The following PRKDC variants were observed in gnomAD, a reference collection of about 807,000 sequenced individuals.
PRKDC encodes the protein protein kinase, DNA-activated, catalytic subunit.
PRKDC carries 82 observed loss-of-function variants against 486.9 expected under a neutral mutation model. That is an observed-to-expected ratio of 0.17 (90% CI 0.14 to 0.20). The LOEUF (loss-of-function observed/expected upper bound fraction) is 0.20, where lower values mean the gene tolerates loss of function less well. PRKDC is among the 10% of genes least tolerant of loss of function. PRKDC has a pLI of 1.00. For synonymous variants in PRKDC, 1,895 were observed against 1,837.0 expected, an observed-to-expected ratio of 1.03 and a Z score of -0.81; for missense variants, 4,504 against 5,038.2, an observed-to-expected ratio of 0.89 and a Z score of 3.21.
chr8:47,929,792 A>C, intron 18 of PRKDC, 61 bp downstream of exon 18: 1 of 1,456,604 alleles, frequency 6.9e-7, no homozygotes, highest in Non-Finnish European at 9.2e-7. Context: ...TTTATGATAC[A>C]TTTATATATA....
chr8:47,957,261 A>C lies in PRKDC; in HGVS notation c.234T>G (p.Phe78Leu). The C allele has an allele frequency of 1.3e-6, 2 of 1,594,634 alleles. No individual in the cohort carries two copies. Among genetic ancestry groups the C allele is most frequent in the African/African-American group, 1.3e-5 (1 of 74,616 alleles). The change falls in exon 3 of 86, where the codon TTT (phenylalanine) becomes TTG (leucine). Residue 78 changes from phenylalanine (F) to leucine (L), a missense_variant and splice_region_variant. Physicochemically the swap from Phe to Leu is conservative, Grantham distance 22 (BLOSUM62 0). Around this residue, in one of 6 missense-constraint regions of PRKDC, gnomAD observed 145 missense variants for 136.3 expected, o/e 1.06. Transcript: ENST00000314191. ...TTAGGATTTCTTCTCTACATTCACG[A>C]AACTGTAATGAAAGAGATACATATT... ...FVRKSLNSIEFRECREEILKF... is the reference protein window; with the variant it reads ...FVRKSLNSIELRECREEILKF...
chr8:47,800,769 C>A (rs369459161), intron 71 of PRKDC, 24 bp downstream of exon 71: 3 of 1,577,672 alleles, frequency 1.9e-6, no homozygotes, highest in Non-Finnish European at 2.6e-6. Context: ...AGCACACTAG[C>A]GTAAAACATT....
chr8:47,778,880 T>G lies in PRKDC; in HGVS notation c.11580-81A>C, dbSNP rs188253369. 7.1e-5 allele frequency: 105 copies of G among 1,483,096 alleles called. No individual in the cohort carries two copies. In the Admixed American group the frequency reaches 1.7e-3, roughly 24 times the overall value. The allele number at this position is 1,483,096 out of a possible 1,614,324, so 91.9% of individuals were successfully genotyped here. A position where few individuals can be genotyped will look rare whatever the true frequency, so the allele number is the denominator to read the frequency against. On this transcript the variant is annotated intron_variant, in intron 81 of 85. Transcript: ENST00000314191. ...TAAATTTTAAAACTTTTTGTTTATA[T>G]TGAGACTCAAATATCGAATAATCTT...
chr8:47,917,684 G>C (rs1036380688), intron 22 of PRKDC, among the ~76,000 whole-genome samples: 1 of 152,082 alleles, frequency 6.6e-6, no homozygotes, highest in Non-Finnish European at 1.5e-5. Context: ...AAGCATAAAT[G>C]AAAGTCTTAC....
At chr8:47,801,450 G>C (rs920548247) in intron 70 of PRKDC, among the ~76,000 whole-genome samples, 11 of 152,114 alleles carry the variant, frequency 7.2e-5, no homozygotes, top group African/African-American at 1.9e-4. Flanking sequence ...ACTGACTAGG[G>C]AATTTCTTGA....
At position 47,957,374 on chromosome 8, in the gene PRKDC, T is replaced by C; in HGVS notation, c.212A>G (p.Lys71Arg). 6.3e-7 allele frequency: 1 copy of C among 1,598,302 alleles called. No homozygotes were observed. The highest frequency in any genetic ancestry group is 8.5e-7 in the Non-Finnish European group (1 of 1,171,732). Residue 71 changes from lysine to arginine, a missense_variant, in exon 2 of 86, where the codon AAG (lysine) becomes AGG (arginine). Transcript: ENST00000314191. ...ACTTACTTCAATACTGTTGAGTGAC[T>C]TCCGGACAAATACAAGCAAACCGAA... is the stretch of plus-strand genomic sequence containing the variant. ...RDFGLLVFVR[K>R]SLNSIEFREC...
At chr8:47,799,625 T>C (rs533711482) in intron 71 of PRKDC, among the ~76,000 whole-genome samples, 6 of 152,246 alleles carry the variant, frequency 3.9e-5, no homozygotes, top group South Asian at 2.1e-4. Context: ...GCGGGCCAGA[T>C]GGTGCACAAG....
chr8:47,809,023 G>A (rs555813780), intron 68 of PRKDC, among the ~76,000 whole-genome samples: 6 of 151,236 alleles, frequency 4.0e-5, no homozygotes, highest in South Asian at 4.2e-4. Context: ...GACCCTGTGC[G>A]TGGAAGGAAA....
intron 64 of PRKDC, among the ~76,000 whole-genome samples, chr8:47,822,303 AG>A (rs1353682165): frequency 3.2e-4 from 49 of 151,438 alleles, no homozygotes; most frequent in African/African-American, 1.2e-3. Flanking sequence ...AAAAAAAAAA[AG>A]CCACAAAAAT....
rs759566902 is a variant in PRKDC, at chr8:47,849,308, C to A, written c.7131-5G>T. ...AAGAACACAGCATTCATGAACCTGGCGGGGAAGGGAACTGGTGAGAGGAGG... is the reference window on the plus strand; with the variant it reads ...AAGAACACAGCATTCATGAACCTGGAGGGGAAGGGAACTGGTGAGAGGAGG... On this transcript the variant is annotated splice_region_variant and splice_polypyrimidine_tract_variant and intron_variant, in intron 53 of 85. Transcript: ENST00000314191. The A allele has an allele frequency of 2.5e-6, 4 of 1,613,786 alleles. No homozygotes were observed. Among genetic ancestry groups the A allele is most frequent in the East Asian group, 2.2e-5 (1 of 44,874 alleles).
intron 11 of PRKDC, among the ~76,000 whole-genome samples, chr8:47,936,935 TA>T (rs369738768): frequency 5.1e-4 from 77 of 150,342 alleles, no homozygotes; most frequent in African/African-American, 1.7e-3. Context: ...ACAAGCTTTT[TA>T]ATTAAGAAGA....
Position 47,924,387 on chromosome 8 carries a change from C to T in PRKDC, c.2419+2807G>A, listed in dbSNP as rs2090122034. 2.0e-5 allele frequency among the ~76,000 whole-genome samples: 3 copies of T among 152,002 alleles called. 1 individual carries two copies. In the South Asian group the frequency reaches 6.2e-4, roughly 32 times the overall value. On this transcript the variant is annotated intron_variant, in intron 21 of 85. Coordinates refer to ENST00000314191, the MANE Select transcript of PRKDC (RefSeq NM_006904.7). ...CAGTCTGGTCAACATAGTGAGACCC[C>T]CATCTCTACTAAAAATACAAAAATT...
At chr8:47,920,585 G>A (rs1438887128) in intron 21 of PRKDC, among the ~76,000 whole-genome samples, 3 of 152,100 alleles carry the variant, frequency 2.0e-5, no homozygotes, top group Non-Finnish European at 2.9e-5. Context: ...TTTAAAAATC[G>A]TACAGAAAAC....
At chr8:47,830,885 C>A in intron 60 of PRKDC, 149 bp from the exon 61 acceptor site, 1 of 875,132 alleles carries the variant, frequency 1.1e-6, no homozygotes. Context: ...CCGTACTTTA[C>A]CGTCTAGGGC....
At chr8:47,936,565 AAAT>A (rs570481899) in intron 11 of PRKDC, 48 bp from the exon 12 acceptor site, 345 of 1,596,734 alleles carry the variant, frequency 2.2e-4, no homozygotes, top group Non-Finnish European at 2.9e-4. Context: ...ATCAAGATCA[AAAT>A]AATATTTAAG....
intron 59 of PRKDC, 148 bp from the exon 60 acceptor site, chr8:47,832,074 C>G (rs941318368): frequency 6.0e-6 from 4 of 671,276 alleles, no homozygotes; most frequent in East Asian, 2.6e-5. Flanking sequence ...GCCACAGCTG[C>G]AACTGGAACT....
Position 47,831,837 on chromosome 8 carries a change from C to T in PRKDC, c.8242G>A (p.Val2748Ile), listed in dbSNP as rs770287556. ...KLSLMYARKGVAEQKREKEIK... is the reference protein window; with the variant it reads ...KLSLMYARKGIAEQKREKEIK... ...ACCTTCTCTCGTTTTTGCTCAGCAA[C>T]GCCTTTTCTGGCATACATCAAACTG... Residue 2748 changes from valine (V) to isoleucine (I), a missense_variant, in exon 60 of 86, where the codon GTT becomes ATT. Coordinates refer to ENST00000314191, the MANE Select transcript of PRKDC (RefSeq NM_006904.7). 63 of 1,613,886 alleles carry T rather than the reference C, an allele frequency of 3.9e-5. No individual in the cohort carries two copies. The highest frequency in any genetic ancestry group is 5.1e-5 in the Non-Finnish European group (60 of 1,179,868).
chr8:47,888,701 T>G, intron 33 of PRKDC, 51 bp from the exon 34 acceptor site: 1 of 1,499,890 alleles, frequency 6.7e-7, no homozygotes, highest in Non-Finnish European at 8.9e-7. Context: ...CTCGTTAAAT[T>G]ATCAAGATAC....
intron 16 of PRKDC, among the ~76,000 whole-genome samples, chr8:47,932,111 T>C (rs759400349): frequency 1.3e-5 from 2 of 151,504 alleles, no homozygotes; most frequent in Non-Finnish European, 2.9e-5. Flanking sequence ...TGAGACAGAG[T>C]CTCGCTCTGT....
Sources: gnomAD v4.1 joint callset for allele counts (sites outside exome capture counted in the v4.1 genomes callset) on GRCh38, gnomAD v4.1.1 for gene constraint, gnomAD v4.1.1 regional missense constraint, MANE v1.5 for transcripts, NCBI Gene and HGNC (gene_info 2026-07-23, HGNC 2026-07-21) for gene names.